CUX1: variants seen among roughly 807,000 people sequenced by gnomAD.
CUX1 encodes the protein cut like homeobox 1.
A neutral mutation model predicts 158.8 loss-of-function variants in CUX1; 31 were observed. The observed-to-expected ratio is 0.20, with a 90% CI of 0.15 to 0.26. CUX1 has a LOEUF of 0.26. CUX1 is among the 10% of genes least tolerant of loss of function. CUX1 has a pLI of 1.00. For synonymous variants in CUX1, 879 were observed against 862.1 expected (o/e 1.02, Z -0.34); for missense variants, 1,589 against 2,014.6 (o/e 0.79, Z 4.04).
intron 1 of CUX1, among the ~76,000 whole-genome samples, chr7:101,873,613 G>A (rs1798818720): frequency 6.6e-6 from 1 of 152,004 alleles, no homozygotes; most frequent in Non-Finnish European, 1.5e-5. Flanking sequence ...ATTTTCTTAG[G>A]TTCTTCTTTT....
At chr7:102,133,069 G>A (rs1349179473) in intron 8 of CUX1, among the ~76,000 whole-genome samples, 3 of 152,156 alleles carry the variant, frequency 2.0e-5, no homozygotes, top group Admixed American at 1.3e-4. Flanking sequence ...CCAAGCATCT[G>A]CTAAAGTTAT....
At chr7:101,988,337 G>T (rs1409361868) in intron 2 of CUX1, among the ~76,000 whole-genome samples, 1 of 152,192 alleles carries the variant, frequency 6.6e-6, no homozygotes, top group Non-Finnish European at 1.5e-5. Flanking sequence ...AAGAAACCCA[G>T]ACAGAACCCC....
At chr7:101,890,626 C>T (rs1340793330) in intron 1 of CUX1, among the ~76,000 whole-genome samples, 5 of 152,200 alleles carry the variant, frequency 3.3e-5, no homozygotes, top group African/African-American at 9.6e-5. Flanking sequence ...CGGTGAGTCC[C>T]TTTTATAAAA....
chr7:102,102,317 G>A (rs559894910), intron 5 of CUX1, among the ~76,000 whole-genome samples: 3 of 151,106 alleles, frequency 2.0e-5, no homozygotes, highest in South Asian at 2.1e-4. Context: ...TCAGCTACTC[G>A]GGAGGCTGAG....
chr7:101,817,584 C>CA, upstream of CUX1: 1 of 1,523,190 alleles, frequency 6.6e-7, no homozygotes, highest in South Asian at 1.2e-5. The surrounding 1 kb of genome is among the most constrained non-coding windows in gnomAD (Gnocchi z 4.1). Flanking sequence ...GTCCGCCCCG[C>CA]ACGTGCCAGC....
intron 23 of CUX1, among the ~76,000 whole-genome samples, chr7:102,245,001 G>A (rs1164716697): frequency 1.3e-5 from 2 of 152,200 alleles, no homozygotes; most frequent in Non-Finnish European, 2.9e-5. Flanking sequence ...CAGGCACTGA[G>A]CCAAAAAGGT....
At chr7:102,166,204 G>A (rs1554508731) in intron 9 of CUX1, among the ~76,000 whole-genome samples, 2 of 152,192 alleles carry the variant, frequency 1.3e-5, no homozygotes, top group African/African-American at 2.4e-5. Context: ...TGCCATCGTG[G>A]TCTGGGTTAC....
chr7:101,871,599 G>A (rs968196072), intron 1 of CUX1, among the ~76,000 whole-genome samples: 1 of 152,158 alleles, frequency 6.6e-6, no homozygotes, highest in Admixed American at 6.5e-5. Context: ...TGCAAGAGCC[G>A]GAAGGATGCA....
At chr7:101,981,155 C>T (rs773069501) in intron 2 of CUX1, among the ~76,000 whole-genome samples, 5 of 152,068 alleles carry the variant, frequency 3.3e-5, no homozygotes, top group Admixed American at 2.0e-4. Context: ...GAATACCCCC[C>T]GTTTTGTGAA....
chr7:102,263,988 A>G (rs1790613055), intron 14 of CUX1, among the ~76,000 whole-genome samples: 1 of 137,674 alleles, frequency 7.3e-6, no homozygotes, highest in South Asian at 2.4e-4. Context: ...CACTATTCCC[A>G]GACAGAAGTT....
chr7:102,106,077 T>C (rs1443214629), intron 6 of CUX1, among the ~76,000 whole-genome samples: 42 of 138,050 alleles, frequency 3.0e-4, no homozygotes, highest in Non-Finnish European at 4.8e-4. Context: ...CTTTTCTTTT[T>C]TCTTTTTTTT....
intron 2 of CUX1, among the ~76,000 whole-genome samples, chr7:101,987,683 C>G (rs1473030649): frequency 1.3e-5 from 2 of 152,192 alleles, no homozygotes; most frequent in Non-Finnish European, 2.9e-5. Context: ...GCTGCGGTGT[C>G]CTGGCGCAGG....
At chr7:102,170,090 C>T (rs530187446) in intron 9 of CUX1, among the ~76,000 whole-genome samples, 2 of 152,188 alleles carry the variant, frequency 1.3e-5, no homozygotes, top group South Asian at 2.1e-4. Flanking sequence ...AGGAGTAATC[C>T]CGCAATAAAA....
At chr7:102,233,574 G>A (rs1378726711) in intron 21 of CUX1, among the ~76,000 whole-genome samples, 2 of 152,136 alleles carry the variant, frequency 1.3e-5, no homozygotes, top group African/African-American at 2.4e-5. Flanking sequence ...ATCACCTGAG[G>A]TCAGGAGTTC....
intron 2 of CUX1, among the ~76,000 whole-genome samples, chr7:102,013,135 A>G (rs1449874560): frequency 1.3e-5 from 2 of 152,168 alleles, no homozygotes; most frequent in African/African-American, 4.8e-5. Context: ...CAAAAAAAAA[A>G]AAAAAGCACC....
chr7:101,936,828 A>G (rs1205052414), intron 2 of CUX1, among the ~76,000 whole-genome samples: 1 of 152,140 alleles, frequency 6.6e-6, no homozygotes, highest in Admixed American at 6.5e-5. Context: ...CAGAACCATA[A>G]TGGTTAAGCA....
intron 2 of CUX1, among the ~76,000 whole-genome samples, chr7:101,973,561 A>G (rs990447958): frequency 6.6e-6 from 1 of 152,142 alleles, no homozygotes; most frequent in Non-Finnish European, 1.5e-5. Flanking sequence ...CGTGCATTCA[A>G]TTAATTTGCG....
chr7:102,097,217 A>C, intron 4 of CUX1, 147 bp from the exon 5 acceptor site: 2 of 929,766 alleles, frequency 2.2e-6, no homozygotes, highest in Admixed American at 3.1e-5. Context: ...CCACCCAGCA[A>C]GGGGGCTGGC....
chr7:102,064,973 G>T (rs988900170), intron 3 of CUX1, among the ~76,000 whole-genome samples: 1 of 152,172 alleles, frequency 6.6e-6, no homozygotes, highest in African/African-American at 2.4e-5. Flanking sequence ...AGCAAAGCAC[G>T]GAACTAGGAA....
Sources: allele counts gnomAD v4.1 joint callset (sites outside exome capture counted in the v4.1 genomes callset), GRCh38; gene constraint gnomAD v4.1.1; non-coding constraint Gnocchi (gnomAD v3.1); transcripts MANE v1.5; gene names NCBI Gene and HGNC (gene_info 2026-07-23, HGNC 2026-07-21).